The following HDAC9 variants were observed in gnomAD, a reference collection of about 807,000 sequenced individuals.
The protein encoded by HDAC9 is MEF-2 interacting transcription repressor (MITR) protein.
A neutral mutation model predicts 139.4 loss-of-function variants in HDAC9; 41 were observed. That is an observed-to-expected ratio of 0.29 (90% CI 0.23 to 0.38). The LOEUF is 0.38. HDAC9 is among the 10% of genes least tolerant of loss of function. The pLI, the probability that HDAC9 is intolerant of heterozygous loss-of-function variation, is 1.00. For missense variants in HDAC9, 1,147 were observed against 1,297.0 expected (o/e 0.88, Z 1.78); for synonymous variants, 517 against 476.2 (o/e 1.09, Z -1.12).
chr7:18,634,532 G>A, intron 7 of HDAC9, 95 bp from the exon 8 acceptor site: 1 of 734,438 alleles, frequency 1.4e-6, no homozygotes, highest in Non-Finnish European at 2.2e-6. Flanking sequence ...TTACATAGGG[G>A]GAAAATAACA....
intron 22 of HDAC9, among the ~76,000 whole-genome samples, chr7:18,890,180 A>G (rs1008760764): frequency 4.6e-5 from 7 of 152,230 alleles, no homozygotes; most frequent in Non-Finnish European, 8.8e-5. Context: ...ATGTTAGCCA[A>G]TATTAGATAG....
intron 1 of HDAC9, among the ~76,000 whole-genome samples, chr7:18,352,608 C>T (rs978450836): frequency 6.6e-6 from 1 of 152,028 alleles, no homozygotes; most frequent in African/African-American, 2.4e-5. Context: ...GTGAGTCATT[C>T]CCCGTTTTAA....
chr7:18,669,960 C>G (rs997906152), intron 12 of HDAC9, among the ~76,000 whole-genome samples: 1 of 151,636 alleles, frequency 6.6e-6, no homozygotes, highest in Non-Finnish European at 1.5e-5. Flanking sequence ...GTTTTATGCT[C>G]CTTTTTTTCA....
chr7:18,241,329 T>C (rs1702450329), intron 2 of HDAC9, among the ~76,000 whole-genome samples: 2 of 152,188 alleles, frequency 1.3e-5, no homozygotes, highest in South Asian at 4.1e-4. Flanking sequence ...AATGCTCCAT[T>C]ATTGTCATAG....
At chr7:18,981,243 C>T (rs1330940705) in intron 25 of HDAC9, among the ~76,000 whole-genome samples, 1 of 152,188 alleles carries the variant, frequency 6.6e-6, no homozygotes, top group African/African-American at 2.4e-5. Flanking sequence ...GGACTATCCT[C>T]CAACCAGCAG....
Position 18,469,929 on chromosome 7 carries a change from G to A in HDAC9, c.-41-26333G>A, listed in dbSNP as rs193219916. 2.0e-5 allele frequency among the ~76,000 whole-genome samples: 3 copies of A among 152,182 alleles called. No homozygotes were observed. The East Asian group carries it at 5.8e-4, about 29-fold the overall frequency. ...GCATTTAATAAGCCAGTAGCAGAGA[G>A]GAATATAAGGAGCTATGTCAGAAAC... On this transcript the variant is annotated intron_variant, in intron 1 of 3. Transcript: ENST00000413509.
chr7:18,391,120 C>T (rs527351697), intron 1 of HDAC9, among the ~76,000 whole-genome samples: 228 of 152,238 alleles, frequency 1.5e-3, no homozygotes, highest in Non-Finnish European at 2.4e-3. Context: ...CGCGGTGGCT[C>T]ATGCCTGTAA....
intron 13 of HDAC9, among the ~76,000 whole-genome samples, chr7:18,736,307 TG>T (rs1786889632): frequency 6.6e-6 from 1 of 152,216 alleles, no homozygotes; most frequent in Admixed American, 6.5e-5. Context: ...ATCCTTGTCT[TG>T]TGCTGGTTTT....
intron 1 of HDAC9, among the ~76,000 whole-genome samples, chr7:18,452,992 CT>C (rs1282692385): frequency 5.3e-5 from 8 of 152,022 alleles, no homozygotes; most frequent in Admixed American, 3.3e-4. Flanking sequence ...AAAATGTTAC[CT>C]TTTTTTCCCA....
chr7:18,138,038 G>C (rs1785565221), intron 1 of HDAC9, among the ~76,000 whole-genome samples: 2 of 152,196 alleles, frequency 1.3e-5, no homozygotes, highest in Admixed American at 1.3e-4. Context: ...TCTTGGGAGA[G>C]TGTATGTGTT....
intron 12 of HDAC9, among the ~76,000 whole-genome samples, chr7:18,711,743 C>T (rs908572469): frequency 2.0e-5 from 3 of 152,170 alleles, no homozygotes; most frequent in East Asian, 1.9e-4. Context: ...CAAACTGTTT[C>T]ATTTTGCCAC....
Position 18,998,869 on chromosome 7 carries a change from A to C in HDAC9, c.*2807A>C, listed in dbSNP as rs146500485. On this transcript the variant is annotated 3_prime_UTR_variant, in exon 26 of 26. Transcript: ENST00000686413. ...AGTAAATAATACTAGGAATTTAATAAGCTGTCAAACGTAGGTATAAAAAGA... is the reference window on the plus strand; with the variant it reads ...AGTAAATAATACTAGGAATTTAATACGCTGTCAAACGTAGGTATAAAAAGA... 38 of 152,342 alleles carry C rather than the reference A, an allele frequency of 2.5e-4. No homozygotes were observed. The East Asian group carries it at 2.7e-3, about 11-fold the overall frequency. The allele number at this position is 152,342 out of a possible 1,614,324, so 9.4% of individuals were successfully genotyped here.
At chr7:18,169,697 G>A (rs1370403605) in intron 2 of HDAC9, among the ~76,000 whole-genome samples, 1 of 152,060 alleles carries the variant, frequency 6.6e-6, no homozygotes, top group African/African-American at 2.4e-5. Context: ...ACCTATGAGT[G>A]AGAACATGTG....
intron 1 of HDAC9, among the ~76,000 whole-genome samples, chr7:18,306,278 TG>T (rs1336293005): frequency 6.6e-6 from 1 of 152,166 alleles, no homozygotes; most frequent in African/African-American, 2.4e-5. Context: ...TGGGTGGGGA[TG>T]TTAATTCCTC....
At chr7:18,385,878 AT>A (rs1785878905) in intron 1 of HDAC9, among the ~76,000 whole-genome samples, 4 of 152,094 alleles carry the variant, frequency 2.6e-5, no homozygotes, top group Admixed American at 6.5e-5. Flanking sequence ...ACGATATTTA[AT>A]TTCACTGAGC....
intron 8 of HDAC9, among the ~76,000 whole-genome samples, chr7:18,641,336 C>A (rs1785532199): frequency 6.6e-6 from 1 of 152,054 alleles, no homozygotes; most frequent in African/African-American, 2.4e-5. Context: ...TGGCCCATTT[C>A]ATATCTCATG....
intron 21 of HDAC9, among the ~76,000 whole-genome samples, chr7:18,841,681 A>T (rs943927938): frequency 6.6e-6 from 1 of 152,146 alleles, no homozygotes; most frequent in Non-Finnish European, 1.5e-5. Flanking sequence ...AAACAATCAT[A>T]TAGCGAAAAA....
chr7:18,725,201 C>A (rs1414223231), intron 12 of HDAC9, among the ~76,000 whole-genome samples: 3 of 152,054 alleles, frequency 2.0e-5, no homozygotes, highest in Non-Finnish European at 4.4e-5. Context: ...AAAAATGAAT[C>A]TAATCATATG....
chr7:18,515,702 C>T (rs2128200773), intron 2 of HDAC9, among the ~76,000 whole-genome samples: 1 of 152,250 alleles, frequency 6.6e-6, no homozygotes, highest in South Asian at 2.1e-4. Flanking sequence ...AATACAATCC[C>T]TGAGTTAATT....
Sources: gnomAD v4.1 joint callset for allele counts (sites outside exome capture counted in the v4.1 genomes callset) on GRCh38, gnomAD v4.1.1 for gene constraint, MANE v1.5 for transcripts, NCBI Gene and HGNC (gene_info 2026-07-23, HGNC 2026-07-21) for gene names.